Variants in TTC14 observed in about 807,000 individuals in gnomAD.
The protein encoded by TTC14 is tetratricopeptide repeat domain 14, also known as tetratricopeptide repeat protein 14.
In TTC14, 63 loss-of-function variants were observed where a neutral mutation model predicts 79.9. That is an observed-to-expected ratio of 0.79 (90% confidence interval 0.64 to 0.97). The LOEUF (loss-of-function observed/expected upper bound fraction) is 0.97, where lower values mean the gene tolerates loss of function less well. Among genes scored for constraint, TTC14 ranks in the 50% least tolerant of loss-of-function variants. The probability of loss-of-function intolerance (pLI) is 0.00; values close to 1 mark genes in which losing one functional copy is unlikely to be tolerated. For synonymous variants in TTC14, 335 were observed against 309.6 expected (o/e 1.08, Z -0.86); for missense variants, 895 against 894.0 (o/e 1.00, Z -0.01).
At position 180,610,508 on chromosome 3, in the gene TTC14, TTGAAAA is replaced by T; in HGVS notation, c.2280_2285del (p.Phe760_Lys762delinsLeu). The stretch of plus-strand genomic sequence containing the variant: ...AATATATTTAATCAGATAGCTGAAT[TTGAAAA>T]AGAAAAAGGAAATAAGTCAAAAAAT... On this transcript the variant is annotated inframe_deletion, in exon 12 of 12. Coordinates refer to ENST00000296015, the MANE Select transcript of TTC14 (RefSeq NM_133462.4). 6.3e-7 allele frequency: 1 copy of T among 1,579,124 alleles called. No homozygotes were observed. The highest frequency in any genetic ancestry group is 8.6e-7 in the Non-Finnish European group (1 of 1,169,420).
At chr3:180,613,959 T>C (rs538279404), downstream of TTC14, 1,703 of 401,734 alleles carry the variant, frequency 4.2e-3, 7 homozygotes, top group Non-Finnish European at 5.5e-3. Flanking sequence ...TAATGACAGT[T>C]GTAATGAGCA....
chr3:180,611,185 G>A (rs1393665718), downstream of TTC14: 1 of 984,706 alleles, frequency 1.0e-6, no homozygotes, highest in African/African-American at 1.7e-5. Flanking sequence ...AGTTGAATAG[G>A]AGCCCATTTT....
chr3:180,602,210 C>T lies in TTC14; in HGVS notation c.-52C>T. On this transcript the variant is annotated 5_prime_UTR_variant, in exon 1 of 12. In the 5' UTR this introduces an upstream ATG that the reference lacks. Transcript: ENST00000296015. ...TACCACCCGGCTCAAGTAGCGGACA[C>T]GGAACAGGGAACTATCAGCCCGTCG... The T allele has an allele frequency of 1.3e-6, 2 of 1,594,132 alleles. No homozygotes were observed. The highest frequency in any genetic ancestry group is 1.1e-5 in the South Asian group (1 of 88,638).
intron 10 of TTC14, 36 bp from the exon 11 acceptor site, chr3:180,608,665 A>C: frequency 6.8e-7 from 1 of 1,467,944 alleles, no homozygotes; most frequent in Non-Finnish European, 9.0e-7. Flanking sequence ...TGCTATTTTT[A>C]ACGTGTGGTT....
downstream of TTC14, chr3:180,615,104 T>A (rs1290522326): frequency 1.3e-6 from 2 of 1,493,606 alleles, no homozygotes; most frequent in East Asian, 2.5e-5. Flanking sequence ...AATTATAAAT[T>A]CAATGCAAAG....
At position 180,602,336 on chromosome 3, in the gene TTC14, G is replaced by A; in HGVS notation, c.75G>A (p.Gln25=). The A allele has an allele frequency of 6.2e-7, 1 of 1,613,612 alleles. No individual in the cohort carries two copies. The highest frequency in any genetic ancestry group is 8.5e-7 in the Non-Finnish European group (1 of 1,179,974). ...SSLLSLLRSE[Q]QDNPHFRSLL... ...TGCTCTCTCTACTTCGGAGCGAACA[G>A]CAGGACAATCCACACTTCCGTAGCC... Residue 25 remains glutamine (Q), a synonymous_variant, in exon 1 of 12, where the codon CAG becomes CAA. Coordinates refer to ENST00000296015, the MANE Select transcript of TTC14 (RefSeq NM_133462.4).
chr3:180,617,318 GA>G (rs1717282815), intron 12 of TTC14: 1 of 485,900 alleles, frequency 2.1e-6, no homozygotes, highest in East Asian at 3.0e-5. Context: ...ACTTGATAGT[GA>G]TAATAAAAGA....
chr3:180,611,720 A>T (rs531528687), downstream of TTC14, among the ~76,000 whole-genome samples: 22 of 152,320 alleles, frequency 1.4e-4, no homozygotes, highest in South Asian at 4.6e-3. Context: ...TTTGCAGTTT[A>T]AGATTCTCAA....
rs749281830 is a variant in TTC14, at chr3:180,610,558, G to A, written c.*16G>A. ...AAAAAATTAATACACCAAGGATATC[G>A]GCACCATTACACAAAATGCCATTAA... On this transcript the variant is annotated 3_prime_UTR_variant, in exon 12 of 12. Coordinates refer to ENST00000296015, the MANE Select transcript of TTC14 (RefSeq NM_133462.4). 4.5e-6 allele frequency: 7 copies of A among 1,541,020 alleles called. No individual in the cohort carries two copies. The African/African-American group carries it at 5.5e-5, about 12-fold the overall frequency.
Position 180,604,772 on chromosome 3 carries a change from C to T in TTC14, c.702-80C>T. The T allele has an allele frequency of 3.4e-6, 5 of 1,477,080 alleles. No homozygotes were observed. The Admixed American group carries it at 6.7e-5, about 20-fold the overall frequency. The allele number at this position is 1,477,080 out of a possible 1,614,324, so 91.5% of individuals were successfully genotyped here. A position where few individuals can be genotyped will look rare whatever the true frequency, so the allele number is the denominator to read the frequency against. On this transcript the variant is annotated intron_variant, in intron 5 of 11. Transcript: ENST00000296015. ...CAAAAAATGGAATTAGTATTTAAAC[C>T]TCAAATGATATTATTTCTTTACTAG...
Position 180,610,107 on chromosome 3 carries a change from A to G in TTC14, c.1878A>G (p.Arg626=), listed in dbSNP as rs762212808. 6 of 1,613,094 alleles carry G rather than the reference A, an allele frequency of 3.7e-6. No homozygotes were observed. Among genetic ancestry groups the G allele is most frequent in the Admixed American group, 1.7e-5 (1 of 59,782 alleles). ...PYKSERHFSS[R]RNSSDSFCRN... is the part of the protein sequence containing the mutation. ...AATCAGAAAGACATTTTTCCAGTAG[A>G]AGAAATTCCTCAGATTCCTTCTGTA... The change falls in exon 12 of 12, where the codon AGA becomes AGG. Residue 626 remains arginine, a synonymous_variant. Transcript: ENST00000296015.
At chr3:180,609,250 G>GC in intron 11 of TTC14, 1 of 223,970 alleles carries the variant, frequency 4.5e-6, no homozygotes, top group Non-Finnish European at 7.6e-6. Flanking sequence ...GCTCCCACCC[G>GC]CACCCCCACC....
At chr3:180,618,156 C>G (rs1396029489), downstream of TTC14, among the ~76,000 whole-genome samples, 1 of 152,146 alleles carries the variant, frequency 6.6e-6, no homozygotes, top group Non-Finnish European at 1.5e-5. Context: ...TAAGTACACT[C>G]TTATGATGTT....
chr3:180,615,207 A>G (rs2108403110), downstream of TTC14: 2 of 614,148 alleles, frequency 3.3e-6, no homozygotes, highest in African/African-American at 1.9e-5. Context: ...AATAGTGTTA[A>G]GTTTTTAAAT....
In TTC14 at chr3:180,610,784, T is replaced by G. The variant is rs1190119214; in HGVS notation, c.*242T>G. On this transcript the variant is annotated 3_prime_UTR_variant, in exon 12 of 12. Transcript: ENST00000296015. ...GTACAGTATATTACTCTTGACAGTT[T>G]GAATTTCTTCACCTAAAGATAATTC... 1.9e-6 allele frequency: 2 copies of G among 1,066,460 alleles called. No homozygotes were observed. 66.1% of individuals were successfully genotyped at this position (1,066,460 alleles called of 1,614,324 possible). A position where few individuals can be genotyped will look rare whatever the true frequency, so the allele number is the denominator to read the frequency against.
At chr3:180,612,572 C>T (rs1165062803), downstream of TTC14, among the ~76,000 whole-genome samples, 1 of 152,046 alleles carries the variant, frequency 6.6e-6, no homozygotes, top group Non-Finnish European at 1.5e-5. Flanking sequence ...TGAGACTGGC[C>T]TGGGCAACGC....
At chr3:180,616,273 C>T in intron 12 of TTC14, 1 of 1,612,634 alleles carries the variant, frequency 6.2e-7, no homozygotes, top group Non-Finnish European at 8.5e-7. Flanking sequence ...TTTTAACCCT[C>T]CGCTTACCTT....
intron 7 of TTC14, 57 bp from the exon 8 acceptor site, chr3:180,606,196 C>T (rs1716671852): frequency 6.3e-7 from 1 of 1,595,200 alleles, no homozygotes; most frequent in Non-Finnish European, 8.5e-7. Context: ...TTCACACTAA[C>T]ATTTTATTTA....
downstream of TTC14, among the ~76,000 whole-genome samples, chr3:180,611,807 A>G (rs1489355026): frequency 6.6e-6 from 1 of 152,204 alleles, no homozygotes; most frequent in Non-Finnish European, 1.5e-5. Flanking sequence ...CTGAGGATCT[A>G]CAGAGGTCTA....
Sources: gnomAD v4.1 joint callset for allele counts (sites outside exome capture counted in the v4.1 genomes callset) on GRCh38, gnomAD v4.1.1 for gene constraint, MANE v1.5 for transcripts, NCBI Gene and HGNC (gene_info 2026-07-23, HGNC 2026-07-21) for gene names.